Variants in RBMS1 observed in about 807,000 individuals in gnomAD.
RBMS1 encodes the protein RNA binding motif single stranded interacting protein 1.
In RBMS1, 17 loss-of-function variants were observed where a neutral mutation model predicts 62.3. The ratio of observed to expected loss-of-function variants is 0.27; its 90% confidence interval spans 0.19 to 0.41. The LOEUF is 0.41. Ranked by LOEUF, RBMS1 falls within the 10% of genes least tolerant of loss-of-function variation. The pLI, the probability that RBMS1 is intolerant of heterozygous loss-of-function variation, is 1.00. For synonymous variants in RBMS1, 172 were observed against 170.0 expected (o/e 1.01, Z -0.09); for missense variants, 334 against 504.5 (o/e 0.66, Z 3.24).
At chr2:160,341,543 G>A (rs1437991045) in intron 2 of RBMS1, among the ~76,000 whole-genome samples, 2 of 152,080 alleles carry the variant, frequency 1.3e-5, no homozygotes, top group Admixed American at 1.3e-4. Flanking sequence ...GAGGAGGGGA[G>A]AATTCAGAAT....
intron 2 of RBMS1, 85 bp downstream of exon 2, chr2:160,367,128 ACTT>A: frequency 3.1e-6 from 4 of 1,308,278 alleles, no homozygotes; most frequent in Non-Finnish European, 4.2e-6. Context: ...CTTCTTATAA[ACTT>A]CTCTTATAAT....
intron 9 of RBMS1, chr2:160,282,307 A>G (rs1688142848): frequency 7.3e-7 from 1 of 1,367,878 alleles, no homozygotes; most frequent in African/African-American, 1.5e-5. Flanking sequence ...TTTGCCACCT[A>G]AGGCAGACCA....
At chr2:160,285,906 T>C (rs1371566957) in intron 7 of RBMS1, among the ~76,000 whole-genome samples, 2 of 150,844 alleles carry the variant, frequency 1.3e-5, no homozygotes, top group African/African-American at 4.9e-5. Flanking sequence ...GGCCAGGAGA[T>C]TGAGACCATC....
intron 1 of RBMS1, among the ~76,000 whole-genome samples, chr2:160,404,215 G>A (rs1429908262): frequency 6.6e-6 from 1 of 152,136 alleles, no homozygotes; most frequent in Non-Finnish European, 1.5e-5. Context: ...TTTGACTTGA[G>A]CTGAGCAGGT....
chr2:160,432,064 T>C (rs4664326), intron 1 of RBMS1, among the ~76,000 whole-genome samples: 76,646 of 152,016 alleles, frequency 0.5, 20,507 homozygotes, highest in Admixed American at 0.63. Flanking sequence ...ATACTATTTA[T>C]TGAACATGAA....
In RBMS1 at chr2:160,293,246, A is replaced by G. The variant is rs139035934; in HGVS notation, c.641-6162T>C. On this transcript the variant is annotated intron_variant, in intron 6 of 13. Transcript: ENST00000348849. ...TCTCCAGGCCTTTTACTAGATTCATAATTTTCCCTCTAAACATTATCTTTT... is the reference window on the plus strand; with the variant it reads ...TCTCCAGGCCTTTTACTAGATTCATGATTTTCCCTCTAAACATTATCTTTT... 4.6e-5 allele frequency among the ~76,000 whole-genome samples: 7 copies of G among 152,316 alleles called. No homozygotes were observed. In the East Asian group the frequency reaches 1.4e-3, roughly 29 times the overall value.
At chr2:160,345,076 C>T (rs1692102240) in intron 2 of RBMS1, among the ~76,000 whole-genome samples, 1 of 152,088 alleles carries the variant, frequency 6.6e-6, no homozygotes, top group Non-Finnish European at 1.5e-5. Flanking sequence ...CACCAAGTCT[C>T]AGGCAAATTT....
intron 1 of RBMS1, among the ~76,000 whole-genome samples, chr2:160,392,245 A>G (rs1694903304): frequency 6.6e-6 from 1 of 152,204 alleles, no homozygotes; most frequent in Non-Finnish European, 1.5e-5. Flanking sequence ...TCAACAAAGA[A>G]GGATCCTACA....
At chr2:160,394,839 G>A (rs1432510157) in intron 1 of RBMS1, among the ~76,000 whole-genome samples, 1 of 152,212 alleles carries the variant, frequency 6.6e-6, no homozygotes, top group Non-Finnish European at 1.5e-5. Context: ...TTTTAAGGTA[G>A]GATGGTGAAG....
At chr2:160,477,206 G>T (rs188759138) in intron 1 of RBMS1, among the ~76,000 whole-genome samples, 192 of 152,226 alleles carry the variant, frequency 1.3e-3, no homozygotes, top group African/African-American at 4.4e-3. Context: ...ATCTAGCAGG[G>T]CGTGGTGGCG....
rs1690235272 is a variant in RBMS1 at position 160,316,598 on chromosome 2, T to C, written c.310+1571A>G. On this transcript the variant is annotated intron_variant, in intron 3 of 13. Transcript: ENST00000348849. ...AGATCACGTAGAGCACTTTGAGGAA[T>C]TTTGGCTTCTATGGAATAGGTTGCT... Among the ~76,000 whole-genome samples, 3 of 152,192 alleles carry C rather than the reference T, an allele frequency of 2.0e-5. 1 individual carries two copies. The South Asian group carries it at 6.2e-4, about 32-fold the overall frequency.
chr2:160,316,272 C>T (rs1014898980), intron 3 of RBMS1, among the ~76,000 whole-genome samples: 4 of 152,156 alleles, frequency 2.6e-5, no homozygotes, highest in Non-Finnish European at 4.4e-5. Context: ...CACTCACTCA[C>T]TCACCCACCG....
At chr2:160,287,706 T>A (rs1688474382) in intron 6 of RBMS1, among the ~76,000 whole-genome samples, 1 of 152,242 alleles carries the variant, frequency 6.6e-6, no homozygotes, top group African/African-American at 2.4e-5. Context: ...TTGTAGTTGC[T>A]TATTACATCT....
chr2:160,344,488 T>C (rs1410144672), intron 2 of RBMS1, among the ~76,000 whole-genome samples: 1 of 152,168 alleles, frequency 6.6e-6, no homozygotes, highest in Non-Finnish European at 1.5e-5. Context: ...TTGTTGTTAT[T>C]TCTAGAAGTT....
intron 7 of RBMS1, among the ~76,000 whole-genome samples, chr2:160,285,450 C>A (rs1046459401): frequency 4.6e-5 from 7 of 152,168 alleles, no homozygotes; most frequent in African/African-American, 1.4e-4. Flanking sequence ...CTCTAGCATA[C>A]TAGCTACGTT....
chr2:160,372,618 T>A (rs913773428), intron 1 of RBMS1, among the ~76,000 whole-genome samples: 5 of 152,218 alleles, frequency 3.3e-5, no homozygotes, highest in African/African-American at 9.7e-5. Flanking sequence ...TTTAACAATT[T>A]AAATAAATTA....
At chr2:160,348,286 C>T (rs1171364624) in intron 2 of RBMS1, among the ~76,000 whole-genome samples, 1 of 152,100 alleles carries the variant, frequency 6.6e-6, no homozygotes, top group Non-Finnish European at 1.5e-5. Flanking sequence ...TGAAAAGTTT[C>T]TGGTTGATGT....
chr2:160,280,892 AC>A (rs1299930305), intron 10 of RBMS1, among the ~76,000 whole-genome samples: 1 of 152,168 alleles, frequency 6.6e-6, no homozygotes, highest in African/African-American at 2.4e-5. Context: ...ATGTGCTACC[AC>A]TTTAGTATTT....
chr2:160,399,623 T>C (rs183340655), intron 1 of RBMS1, among the ~76,000 whole-genome samples: 43 of 152,296 alleles, frequency 2.8e-4, no homozygotes, highest in Middle Eastern at 3.4e-3. Context: ...AAAAGAACTA[T>C]TCACTGTCTT....
Sources: allele counts gnomAD v4.1 joint callset (sites outside exome capture counted in the v4.1 genomes callset), GRCh38; gene constraint gnomAD v4.1.1; transcripts MANE v1.5; gene names NCBI Gene and HGNC (gene_info 2026-07-23, HGNC 2026-07-21).